Variants in RRBP1 observed in about 807,000 individuals in gnomAD.
The protein encoded by RRBP1 is ribosome binding protein 1.
A neutral mutation model predicts 165.2 loss-of-function variants in RRBP1; 94 were observed. The ratio of observed to expected loss-of-function variants is 0.57; its 90% confidence interval spans 0.48 to 0.68. The LOEUF is 0.68. Among genes scored for constraint, RRBP1 ranks in the 30% least tolerant of loss-of-function variants. RRBP1 has a pLI of 0.00. For missense variants in RRBP1, 1,676 were observed against 1,763.0 expected (o/e 0.95, Z 0.88); for synonymous variants, 680 against 714.5 (o/e 0.95, Z 0.77).
At chr20:17,679,680 G>A (rs1389420629) in intron 2 of RRBP1, among the ~76,000 whole-genome samples, 12 of 152,154 alleles carry the variant, frequency 7.9e-5, no homozygotes. Flanking sequence ...TTGAGTTAGG[G>A]CTCATTTCAT....
intron 8 of RRBP1, among the ~76,000 whole-genome samples, chr20:17,632,613 G>A (rs914460518): frequency 2.6e-5 from 4 of 152,120 alleles, no homozygotes; most frequent in East Asian, 1.9e-4. Context: ...ATGCCCCCAC[G>A]CACTACAGCC....
chr20:17,656,274 CCT>C (rs1391219959), intron 3 of RRBP1, among the ~76,000 whole-genome samples: 4 of 152,154 alleles, frequency 2.6e-5, no homozygotes, highest in Non-Finnish European at 4.4e-5. Context: ...CACGTGTGGC[CCT>C]GTCTCTGCCT....
At chr20:17,649,384 G>A (rs887105739) in intron 3 of RRBP1, among the ~76,000 whole-genome samples, 3 of 152,212 alleles carry the variant, frequency 2.0e-5, no homozygotes, top group Non-Finnish European at 2.9e-5. Context: ...GGAAGTCTGA[G>A]CTTTGCTTTC....
At chr20:17,662,830 A>C (rs1457800659) in intron 2 of RRBP1, among the ~76,000 whole-genome samples, 1 of 152,152 alleles carries the variant, frequency 6.6e-6, no homozygotes, top group Non-Finnish European at 1.5e-5. Flanking sequence ...GGGTACTTAC[A>C]AGATTTCTCA....
At chr20:17,618,768 C>T in intron 19 of RRBP1, 89 bp from the exon 20 acceptor site, 4 of 997,620 alleles carry the variant, frequency 4.0e-6, no homozygotes, top group Non-Finnish European at 6.2e-6. Context: ...AACATAAAAC[C>T]TAACACATCC....
chr20:17,637,562 A>C (rs1179281137), intron 5 of RRBP1, among the ~76,000 whole-genome samples: 2 of 152,210 alleles, frequency 1.3e-5, no homozygotes, highest in African/African-American at 4.8e-5. Context: ...GCGTCCCACC[A>C]GCGTCAAGGC....
intron 3 of RRBP1, among the ~76,000 whole-genome samples, chr20:17,654,102 C>T (rs1386908333): frequency 6.6e-6 from 1 of 152,218 alleles, no homozygotes; most frequent in Non-Finnish European, 1.5e-5. Flanking sequence ...CTCTCCACCC[C>T]AATCGCTACC....
rs371943538 is a variant in RRBP1, at chr20:17,621,913, G to A, written c.3182C>T (p.Ala1061Val). The change falls in exon 14 of 25, where the codon GCG becomes GTG. Residue 1061 changes from alanine to valine, a missense_variant. Around this residue, in one of 5 missense-constraint regions of RRBP1, gnomAD observed 1,184 missense variants for 1,167.1 expected, o/e 1.01. Coordinates refer to ENST00000377813, the MANE Select transcript of RRBP1 (RefSeq NM_001365613.2). The stretch of plus-strand genomic sequence containing the variant: ...AGCCAGCAGGGCCTCCATGGTCTGC[G>A]CCTCAATCAGACAGAGCTGCTTCTC... ...ESEKQLCLIE[A>V]QTMEALLALL... The A allele has an allele frequency of 1.7e-5, 28 of 1,613,472 alleles. No individual in the cohort carries two copies. The highest frequency in any genetic ancestry group is 1.6e-4 in the Middle Eastern group (1 of 6,084).
At chr20:17,620,152 G>A in intron 18 of RRBP1, 147 bp downstream of exon 18, 1 of 690,924 alleles carries the variant, frequency 1.4e-6, no homozygotes, top group Admixed American at 2.2e-5. Flanking sequence ...AAAACAGGAT[G>A]GACAAGATCC....
At chr20:17,645,737 T>G (rs775120653) in intron 3 of RRBP1, among the ~76,000 whole-genome samples, 18 of 152,188 alleles carry the variant, frequency 1.2e-4, no homozygotes, top group Non-Finnish European at 1.8e-4. Flanking sequence ...CTCCAGCAAA[T>G]ACTCGAAGAT....
chr20:17,650,170 A>T (rs1237896278), intron 3 of RRBP1, among the ~76,000 whole-genome samples: 1 of 152,178 alleles, frequency 6.6e-6, no homozygotes, highest in African/African-American at 2.4e-5. Flanking sequence ...CATAAAAAAA[A>T]AAAAGTTATA....
chr20:17,614,860 C>A lies in RRBP1; in HGVS notation c.4071G>T (p.Lys1357Asn). The part of the protein sequence containing the change: ...SQLKERLEKE[K>N]KLTSDLGRAA... Reference sequence around the variant, plus strand: ...CGCGCCCCAGGTCACTTGTTAACTTCTTCTCTTTTTCTAGTCTCTCCTGAT... The same window carrying A: ...CGCGCCCCAGGTCACTTGTTAACTTATTCTCTTTTTCTAGTCTCTCCTGAT... The change falls in exon 24 of 25, where the codon AAG becomes AAT. Residue 1357 changes from lysine (K) to asparagine (N), a missense_variant. Physicochemically the swap from Lys to Asn is moderately conservative, Grantham distance 94. Transcript: ENST00000377813. 1 of 1,613,638 alleles carries A rather than the reference C, an allele frequency of 6.2e-7. No individual in the cohort carries two copies. Among genetic ancestry groups the A allele is most frequent in the Non-Finnish European group, 8.5e-7 (1 of 1,179,996 alleles).
chr20:17,660,596 T>C, intron 2 of RRBP1, 68 bp from the exon 3 acceptor site: 2 of 930,138 alleles, frequency 2.2e-6, no homozygotes, highest in Admixed American at 4.7e-5. Flanking sequence ...ATCCCCACCC[T>C]ACCACCAAAC....
At chr20:17,623,244 G>A (rs528762239) in intron 13 of RRBP1, 1 of 152,268 alleles carries the variant, frequency 6.6e-6, no homozygotes, top group Non-Finnish European at 1.5e-5. Context: ...CTCACAGGGT[G>A]GCCTGAGGCC....
At chr20:17,625,087 GGCCA>G (rs2035990881) in intron 12 of RRBP1, among the ~76,000 whole-genome samples, 1 of 152,140 alleles carries the variant, frequency 6.6e-6, no homozygotes, top group South Asian at 2.1e-4. Context: ...GGAGCAACAG[GGCCA>G]GCCAGCAAGC....
intron 5 of RRBP1, 166 bp downstream of exon 5, chr20:17,641,631 G>C (rs910723087): frequency 8.4e-6 from 7 of 834,100 alleles, no homozygotes; most frequent in Middle Eastern, 7.2e-4. Context: ...CCGGCCCTTG[G>C]CTCTTTAGGC....
At chr20:17,651,554 A>G (rs1027927139) in intron 3 of RRBP1, among the ~76,000 whole-genome samples, 2 of 152,228 alleles carry the variant, frequency 1.3e-5, no homozygotes, top group African/African-American at 4.8e-5. Context: ...TGCAATACGG[A>G]AAGATGTCAC....
intron 2 of RRBP1, among the ~76,000 whole-genome samples, chr20:17,675,424 G>A (rs2037059726): frequency 6.6e-6 from 1 of 152,086 alleles, no homozygotes; most frequent in South Asian, 2.1e-4. Context: ...TATACCTCAG[G>A]AAACAAAAGC....
At chr20:17,624,504 G>C (rs938430224) in intron 13 of RRBP1, 72 bp downstream of exon 13, 3 of 999,410 alleles carry the variant, frequency 3.0e-6, no homozygotes, top group African/African-American at 1.6e-5. Flanking sequence ...TAGTGCATCT[G>C]TACGTCTTAG....
Sources: allele counts gnomAD v4.1 joint callset (sites outside exome capture counted in the v4.1 genomes callset), GRCh38; gene constraint gnomAD v4.1.1; regional missense constraint gnomAD v4.1.1; transcripts MANE v1.5; gene names NCBI Gene and HGNC (gene_info 2026-07-23, HGNC 2026-07-21).